The following SORCS1 variants were observed in gnomAD, a reference collection of about 807,000 sequenced individuals.
SORCS1 encodes VPS10 domain-containing receptor SorCS1.
A neutral mutation model predicts 146.1 loss-of-function variants in SORCS1; 60 were observed. The ratio of observed to expected loss-of-function variants is 0.41; its 90% confidence interval spans 0.33 to 0.51. SORCS1 has a LOEUF of 0.51. Ranked by LOEUF, SORCS1 falls within the 20% of genes least tolerant of loss-of-function variation. The pLI is 0.21. For missense variants in SORCS1, 1,352 were observed against 1,487.6 expected, an observed-to-expected ratio of 0.91 and a Z score of 1.50; for synonymous variants, 637 against 584.0, an observed-to-expected ratio of 1.09 and a Z score of -1.31.
At chr10:106,715,492 G>C (rs868165939) in intron 6 of SORCS1, among the ~76,000 whole-genome samples, 5 of 152,176 alleles carry the variant, frequency 3.3e-5, no homozygotes, top group African/African-American at 9.7e-5. Context: ...CAGGCTCAAG[G>C]CCTGCTAGCT....
intron 21 of SORCS1, among the ~76,000 whole-genome samples, chr10:106,614,447 A>G (rs1010358964): frequency 1.3e-5 from 2 of 152,174 alleles, no homozygotes; most frequent in African/African-American, 4.8e-5. Context: ...TATTCCAAAG[A>G]GGTATTGTTC....
intron 1 of SORCS1, among the ~76,000 whole-genome samples, chr10:106,992,826 C>CTTTTTTTTTTTT (rs36052970): frequency 8.6e-4 from 49 of 57,096 alleles, no homozygotes; most frequent in East Asian, 1.4e-3. Flanking sequence ...TTCTTTCTTT[C>CTTTTTTTTTTTT]TTTTTTTTTT....
chr10:106,830,157 A>C (rs574140726), intron 2 of SORCS1, among the ~76,000 whole-genome samples: 1 of 152,330 alleles, frequency 6.6e-6, no homozygotes, highest in African/African-American at 2.4e-5. Context: ...TTTAAGAGCA[A>C]GAAAATGTCT....
rs111720960 is a variant in SORCS1, at chr10:107,152,803, G to C, written c.558+11166C>G. On this transcript the variant is annotated intron_variant, in intron 1 of 25. Transcript: ENST00000263054. ...ATGTCTTTATTAGCAGCATGAGAAT[G>C]GACTAATACACTCACTGACACTTTT... Among the ~76,000 whole-genome samples, 3 of 152,128 alleles carry C rather than the reference G, an allele frequency of 2.0e-5. No homozygotes were observed. The East Asian group carries it at 5.8e-4, about 29-fold the overall frequency.
Position 106,904,704 on chromosome 10 carries a change from T to C in SORCS1, c.626+51809A>G, listed in dbSNP as rs561319125. ...CTAAACTATGCCATGTTTAGAAAAA[T>C]CTTACCTAATTATCCCACAAATGGA... On this transcript the variant is annotated intron_variant, in intron 2 of 25. Transcript: ENST00000263054. 1.2e-4 allele frequency among the ~76,000 whole-genome samples: 19 copies of C among 152,284 alleles called. No individual in the cohort carries two copies. In the South Asian group the frequency reaches 3.9e-3, roughly 32 times the overall value.
chr10:106,633,316 A>G (rs1329282480), intron 18 of SORCS1, among the ~76,000 whole-genome samples: 3 of 152,222 alleles, frequency 2.0e-5, no homozygotes, highest in Non-Finnish European at 4.4e-5. Context: ...TTTGTGTTGG[A>G]GACATTCAAA....
chr10:106,847,982 G>C (rs1949376507), intron 2 of SORCS1, among the ~76,000 whole-genome samples: 1 of 148,318 alleles, frequency 6.7e-6, no homozygotes, highest in East Asian at 2.0e-4. Flanking sequence ...TTTTACATTT[G>C]CTGAGGAGAG....
At chr10:107,021,166 T>C (rs1484857332) in intron 1 of SORCS1, among the ~76,000 whole-genome samples, 1 of 152,108 alleles carries the variant, frequency 6.6e-6, no homozygotes, top group Non-Finnish European at 1.5e-5. Context: ...CTACAGTAGT[T>C]ACACCTGGGA....
intron 1 of SORCS1, among the ~76,000 whole-genome samples, chr10:107,161,774 T>C (rs1969723144): frequency 6.6e-6 from 1 of 152,240 alleles, no homozygotes; most frequent in Non-Finnish European, 1.5e-5. Flanking sequence ...TACGTAGGAC[T>C]GGCTTTGTTT....
chr10:106,979,893 A>G (rs553389925), intron 1 of SORCS1, among the ~76,000 whole-genome samples: 1 of 152,190 alleles, frequency 6.6e-6, no homozygotes, highest in African/African-American at 2.4e-5. Flanking sequence ...GTCAGCTCCT[A>G]CCTCATTGGA....
At chr10:107,076,911 C>T (rs1314975833) in intron 1 of SORCS1, among the ~76,000 whole-genome samples, 1 of 152,102 alleles carries the variant, frequency 6.6e-6, no homozygotes, top group Non-Finnish European at 1.5e-5. Flanking sequence ...TGTGTTGATT[C>T]AATATATTTA....
chr10:106,769,400 G>A (rs201489084), intron 4 of SORCS1, among the ~76,000 whole-genome samples: 5 of 151,078 alleles, frequency 3.3e-5, no homozygotes, highest in Non-Finnish European at 4.4e-5. Context: ...CAGGAGAATC[G>A]CTTGAAGCCA....
intron 21 of SORCS1, among the ~76,000 whole-genome samples, chr10:106,614,777 G>T (rs898458421): frequency 1.3e-5 from 2 of 152,116 alleles, no homozygotes; most frequent in South Asian, 4.1e-4. Flanking sequence ...GCAGGGAAAC[G>T]TACTTAAGTT....
chr10:106,663,557 T>C (rs1478227988), intron 17 of SORCS1, among the ~76,000 whole-genome samples: 2 of 152,256 alleles, frequency 1.3e-5, no homozygotes, highest in Non-Finnish European at 2.9e-5. Flanking sequence ...TACAAGATTA[T>C]ATACTGAATC....
chr10:107,055,499 A>T (rs1267594788), intron 1 of SORCS1, among the ~76,000 whole-genome samples: 1 of 152,258 alleles, frequency 6.6e-6, no homozygotes, highest in Non-Finnish European at 1.5e-5. Context: ...AAGCAAAGCC[A>T]GTCTTGTATT....
At chr10:106,645,164 CTT>C (rs1849332620) in intron 18 of SORCS1, among the ~76,000 whole-genome samples, 1 of 115,434 alleles carries the variant, frequency 8.7e-6, no homozygotes, top group African/African-American at 3.3e-5. Context: ...GAGAGGGTGT[CTT>C]ATTATTTTTT....
At chr10:106,715,200 T>C (rs1334663757) in intron 6 of SORCS1, among the ~76,000 whole-genome samples, 1 of 152,262 alleles carries the variant, frequency 6.6e-6, no homozygotes, top group East Asian at 1.9e-4. Flanking sequence ...GTGTATGATG[T>C]GATTCCATAG....
chr10:106,831,092 C>G (rs1948524313), intron 2 of SORCS1, among the ~76,000 whole-genome samples: 1 of 151,928 alleles, frequency 6.6e-6, no homozygotes. Flanking sequence ...ACTCGGGAGG[C>G]CAAGGCAGGA....
At chr10:107,147,261 C>T (rs1968408694) in intron 1 of SORCS1, among the ~76,000 whole-genome samples, 1 of 152,162 alleles carries the variant, frequency 6.6e-6, no homozygotes, top group Non-Finnish European at 1.5e-5. Context: ...AACGTTCTTG[C>T]CCTGCTGAGA....
Sources: allele counts gnomAD v4.1 joint callset (sites outside exome capture counted in the v4.1 genomes callset), GRCh38; gene constraint gnomAD v4.1.1; transcripts MANE v1.5; gene names NCBI Gene and HGNC (gene_info 2026-07-23, HGNC 2026-07-21).